Variants in COA1 observed in about 807,000 individuals in gnomAD.
COA1 encodes cytochrome c oxidase assembly factor 1 homolog.
In COA1, 13 loss-of-function variants were observed where a neutral mutation model predicts 16.0. The ratio of observed to expected loss-of-function variants is 0.81; its 90% CI spans 0.53 to 1.29. COA1 has a LOEUF of 1.29. COA1 is among the 50% of genes most tolerant of loss of function. The probability of loss-of-function intolerance (pLI) is 0.00; values close to 1 mark genes in which losing one functional copy is unlikely to be tolerated. For missense variants in COA1, 179 were observed against 177.0 expected (o/e 1.01, Z -0.06); for synonymous variants, 65 against 65.7 (o/e 0.99, Z 0.05).
At position 43,674,613 on chromosome 7, in the gene COA1, A is replaced by G. The variant is rs142505990; in HGVS notation, c.-38-25961T>C. Among the ~76,000 whole-genome samples, 462 of 152,364 alleles carry G rather than the reference A, an allele frequency of 3.0e-3. 6 individuals are homozygous for G. The highest frequency in any genetic ancestry group is 0.01 in the African/African-American group (432 of 41,600). On this transcript the variant is annotated intron_variant, in intron 1 of 5. Transcript: ENST00000223336. ...CTCCTTGTGTTAGAAAAGAATTAAC[A>G]TAGCAACTTGCTTTGTCCATAATTT...
chr7:43,723,480 G>A (rs1352726832), intron 1 of COA1, among the ~76,000 whole-genome samples: 2 of 152,130 alleles, frequency 1.3e-5, no homozygotes, highest in Non-Finnish European at 2.9e-5. Context: ...AGCACACCAG[G>A]GTAATTGCCA....
chr7:43,711,002 TTTG>T (rs2095228828), intron 1 of COA1, among the ~76,000 whole-genome samples: 3 of 150,292 alleles, frequency 2.0e-5, no homozygotes, highest in African/African-American at 7.2e-5. Flanking sequence ...CAATACTGTA[TTTG>T]TTGATGGTTT....
At chr7:43,726,095 A>C (rs1431376793) in intron 1 of COA1, among the ~76,000 whole-genome samples, 2 of 152,196 alleles carry the variant, frequency 1.3e-5, no homozygotes, top group African/African-American at 4.8e-5. Flanking sequence ...CCAACTGTCC[A>C]ATATGGCTCT....
chr7:43,641,483 T>C (rs1344438938), intron 4 of COA1: 1 of 152,234 alleles, frequency 6.6e-6, no homozygotes, highest in Non-Finnish European at 1.5e-5. Flanking sequence ...GTACCAGCTA[T>C]AGGTGCTCAC....
chr7:43,677,800 TAA>T (rs11310207), intron 1 of COA1, among the ~76,000 whole-genome samples: 13,266 of 116,766 alleles, frequency 0.11, 819 homozygotes, highest in Admixed American at 0.18. Context: ...GGCTCTGTCT[TAA>T]AAAAAAAAAA....
chr7:43,618,010 A>G (rs988471962), intron 6 of COA1, among the ~76,000 whole-genome samples: 3 of 152,240 alleles, frequency 2.0e-5, no homozygotes, highest in African/African-American at 7.2e-5. Flanking sequence ...GCATTGAAGA[A>G]TATCACTGGA....
intron 1 of COA1, among the ~76,000 whole-genome samples, chr7:43,717,860 T>C (rs1371294054): frequency 6.6e-6 from 1 of 152,196 alleles, no homozygotes; most frequent in Non-Finnish European, 1.5e-5. Flanking sequence ...TCTCACAAGA[T>C]CTGATGGTTT....
intron 1 of COA1, among the ~76,000 whole-genome samples, chr7:43,676,689 G>A (rs1021192692): frequency 5.3e-5 from 8 of 152,028 alleles, no homozygotes; most frequent in Non-Finnish European, 8.8e-5. Context: ...GAAATGATGT[G>A]TTTTAGATGA....
intron 5 of COA1, among the ~76,000 whole-genome samples, chr7:43,640,255 T>C (rs1233171183): frequency 6.6e-6 from 1 of 152,228 alleles, no homozygotes; most frequent in Non-Finnish European, 1.5e-5. Flanking sequence ...TATTCATTTA[T>C]AACAATTGAG....
intron 1 of COA1, among the ~76,000 whole-genome samples, chr7:43,710,375 A>AAAAATAT (rs761592421): frequency 5.2e-4 from 19 of 36,444 alleles, no homozygotes; most frequent in African/African-American, 1.4e-3. Flanking sequence ...AAAAAAAAAA[A>AAAAATAT]ATATATATAT....
Position 43,686,975 on chromosome 7 carries a change from G to C in COA1, c.-38-38323C>G, listed in dbSNP as rs187356751. Among the ~76,000 whole-genome samples, 81 of 152,262 alleles carry C rather than the reference G, an allele frequency of 5.3e-4. No homozygotes were observed. In the East Asian group the frequency reaches 0.013, roughly 25 times the overall value. ...AGCTTTTAGAGCCTCTGGCCTCTAAGGATTTCCACTGAGGCCCCAAATCCT... is the reference window on the plus strand; with the variant it reads ...AGCTTTTAGAGCCTCTGGCCTCTAACGATTTCCACTGAGGCCCCAAATCCT... On this transcript the variant is annotated intron_variant, in intron 1 of 5. Transcript: ENST00000223336.
At position 43,696,043 on chromosome 7, in the gene COA1, G is replaced by A. The variant is rs550445847; in HGVS notation, c.-39+33386C>T. On this transcript the variant is annotated intron_variant, in intron 1 of 5. Coordinates refer to ENST00000223336, the MANE Select transcript of COA1 (RefSeq NM_018224.4). ...AGGACTGGGGAGGCCTCACAATCAC[G>A]GCGGAAGACAAGGAAGAGCAAGTCA... Among the ~76,000 whole-genome samples the A allele has an allele frequency of 2.6e-5, 4 of 152,224 alleles. No individual in the cohort carries two copies. In the East Asian group the frequency reaches 5.8e-4, roughly 22 times the overall value.
intron 6 of COA1, chr7:43,619,533 G>A: frequency 6.4e-7 from 1 of 1,560,112 alleles, no homozygotes; most frequent in Non-Finnish European, 8.7e-7. Flanking sequence ...TGTTTTATGG[G>A]CTGCATGTTT....
At chr7:43,633,277 AC>A (rs1458865619) in intron 6 of COA1, 1 of 152,122 alleles carries the variant, frequency 6.6e-6, no homozygotes, top group Non-Finnish European at 1.5e-5. Flanking sequence ...TTCTTTACTT[AC>A]ATCTCATGAA....
At chr7:43,683,473 A>T (rs1047451649) in intron 1 of COA1, among the ~76,000 whole-genome samples, 4 of 152,030 alleles carry the variant, frequency 2.6e-5, no homozygotes, top group African/African-American at 9.7e-5. Context: ...TCTACTAAAA[A>T]AATACAAAAA....
Position 43,648,643 on chromosome 7 carries a change from G to T in COA1, c.-29C>A. 6.2e-7 allele frequency: 1 copy of T among 1,611,304 alleles called. No homozygotes were observed. The highest frequency in any genetic ancestry group is 8.5e-7 in the Non-Finnish European group (1 of 1,178,380). On this transcript the variant is annotated 5_prime_UTR_variant, in exon 2 of 6. Coordinates refer to ENST00000223336, the MANE Select transcript of COA1 (RefSeq NM_018224.4). ...ACAACTCTCTTGAAAATCATCAAAG[G>T]CAAGTTGTCCTGCAATTAGAAAAGA...
At chr7:43,727,299 A>G (rs896777051) in intron 1 of COA1, among the ~76,000 whole-genome samples, 4 of 152,326 alleles carry the variant, frequency 2.6e-5, no homozygotes, top group African/African-American at 9.6e-5. Context: ...GATGCTTTGG[A>G]AAACAGTCTG....
At chr7:43,624,684 G>C in intron 6 of COA1, 1 of 1,614,040 alleles carries the variant, frequency 6.2e-7, no homozygotes, top group Non-Finnish European at 8.5e-7. Context: ...AGAAACCAAG[G>C]AATCCATTGT....
At chr7:43,723,008 C>T (rs2095541903) in intron 1 of COA1, among the ~76,000 whole-genome samples, 7 of 152,170 alleles carry the variant, frequency 4.6e-5, no homozygotes, top group Admixed American at 4.6e-4. Context: ...TCCCATCTCT[C>T]CTGATAATAT....
Sources: gnomAD v4.1 joint callset for allele counts (sites outside exome capture counted in the v4.1 genomes callset) on GRCh38, gnomAD v4.1.1 for gene constraint, MANE v1.5 for transcripts, NCBI Gene and HGNC (gene_info 2026-07-23, HGNC 2026-07-21) for gene names.